Variants in CCNY observed in about 807,000 individuals in gnomAD.
CCNY encodes cyclin-Y.
Under a neutral mutation model 42.8 loss-of-function variants are expected in CCNY, and 19 were observed. That is an observed-to-expected ratio of 0.44 (90% confidence interval 0.31 to 0.65). The LOEUF (loss-of-function observed/expected upper bound fraction) is 0.65. Among genes scored for constraint, CCNY ranks in the 30% least tolerant of loss-of-function variants. The probability of loss-of-function intolerance (pLI) is 0.07; values close to 1 mark genes in which losing one functional copy is unlikely to be tolerated. For synonymous variants in CCNY, 165 were observed against 162.7 expected, an observed-to-expected ratio of 1.01 and a Z score of -0.11; for missense variants, 370 against 437.3, an observed-to-expected ratio of 0.85 and a Z score of 1.37.
At chr10:35,561,841 C>A (rs550384672) in intron 8 of CCNY, among the ~76,000 whole-genome samples, 1 of 152,208 alleles carries the variant, frequency 6.6e-6, no homozygotes, top group Non-Finnish European at 1.5e-5. Context: ...CACTGTACGA[C>A]GAGTGTCACT....
intron 1 of CCNY, among the ~76,000 whole-genome samples, chr10:35,476,891 A>T (rs1457239255): frequency 2.6e-5 from 4 of 152,218 alleles, no homozygotes; most frequent in Non-Finnish European, 5.9e-5. Flanking sequence ...GACCACTAGC[A>T]AGACTAATAA....
chr10:35,411,208 G>A (rs1312111518), intron 1 of CCNY, among the ~76,000 whole-genome samples: 2 of 152,098 alleles, frequency 1.3e-5, no homozygotes, highest in African/African-American at 4.8e-5. Flanking sequence ...AGTGATCTTG[G>A]TATGTTAGAT....
At chr10:35,388,261 G>C (rs969127546) in intron 1 of CCNY, among the ~76,000 whole-genome samples, 9 of 152,184 alleles carry the variant, frequency 5.9e-5, no homozygotes, top group Non-Finnish European at 1.2e-4. Context: ...GTAGAGTGTT[G>C]GCTGACAAAG....
At chr10:35,461,745 A>T (rs933506936) in intron 1 of CCNY, among the ~76,000 whole-genome samples, 2 of 152,140 alleles carry the variant, frequency 1.3e-5, no homozygotes, top group East Asian at 3.8e-4. Context: ...CATGGCTTCT[A>T]TGTGTATTAT....
At chr10:35,474,443 G>C (rs1264252784) in intron 1 of CCNY, among the ~76,000 whole-genome samples, 1 of 152,218 alleles carries the variant, frequency 6.6e-6, no homozygotes, top group African/African-American at 2.4e-5. Flanking sequence ...TACGCAGCTG[G>C]AGATCTGGGA....
intron 3 of CCNY, among the ~76,000 whole-genome samples, chr10:35,319,488 CAAAA>C (rs1835797293): frequency 6.6e-6 from 1 of 151,770 alleles, no homozygotes; most frequent in Non-Finnish European, 1.5e-5. Context: ...GACATTAAAA[CAAAA>C]AAAGATTATA....
intron 3 of CCNY, among the ~76,000 whole-genome samples, chr10:35,280,932 G>A (rs983469797): frequency 6.6e-6 from 1 of 152,102 alleles, no homozygotes; most frequent in Non-Finnish European, 1.5e-5. Context: ...TAAAAAATGG[G>A]CAAAGGATCT....
rs1433754073 is a variant in CCNY at position 35,570,246 on chromosome 10, T to C, written c.*1076T>C. 1 of 152,128 alleles carries C rather than the reference T, an allele frequency of 6.6e-6. No homozygotes were observed. Among genetic ancestry groups the C allele is most frequent in the African/African-American group, 2.4e-5 (1 of 41,298 alleles). 9.4% of individuals were successfully genotyped at this position (152,128 alleles called of 1,614,324 possible). ...AAAAGAAAAAGAAAAAAAACAAGGG[T>C]GGGTTGGGTATTCCAGTGGGAAGAT... On this transcript the variant is annotated 3_prime_UTR_variant, in exon 10 of 10. Coordinates refer to ENST00000374704, the MANE Select transcript of CCNY (RefSeq NM_145012.6).
chr10:35,272,688 G>A, intron 3 of CCNY, among the ~76,000 whole-genome samples: 1 of 152,180 alleles, frequency 6.6e-6, no homozygotes, highest in East Asian at 1.9e-4. Context: ...CATTTAGGCT[G>A]ATTCCATGTC....
intron 1 of CCNY, among the ~76,000 whole-genome samples, chr10:35,409,848 A>G (rs1837865432): frequency 6.6e-6 from 1 of 151,940 alleles, no homozygotes; most frequent in Non-Finnish European, 1.5e-5. Flanking sequence ...ATGAACTCCT[A>G]GGCTCAAGCA....
At chr10:35,555,204 T>G (rs959561740) in intron 8 of CCNY, among the ~76,000 whole-genome samples, 2 of 152,134 alleles carry the variant, frequency 1.3e-5, no homozygotes, top group African/African-American at 4.8e-5. Flanking sequence ...GTGGGGAGGT[T>G]TATCCCCAGC....
chr10:35,382,025 A>G (rs551018719), intron 1 of CCNY, among the ~76,000 whole-genome samples: 1 of 152,348 alleles, frequency 6.6e-6, no homozygotes, highest in South Asian at 2.1e-4. Flanking sequence ...TTACATAACT[A>G]TTACTGAAAA....
intron 1 of CCNY, among the ~76,000 whole-genome samples, chr10:35,375,730 G>C (rs4934544): frequency 0.29 from 43,407 of 152,036 alleles, 6,501 homozygotes; most frequent in East Asian, 0.35. Context: ...TTGGGATTCT[G>C]GAGCAGCACA....
intron 2 of CCNY, among the ~76,000 whole-genome samples, chr10:35,484,060 C>T (rs546553823): frequency 6.6e-6 from 1 of 152,272 alleles, no homozygotes; most frequent in African/African-American, 2.4e-5. Context: ...CTCTTTTCAG[C>T]CCCCTCCCTG....
intron 1 of CCNY, among the ~76,000 whole-genome samples, chr10:35,426,193 A>G (rs955456087): frequency 6.7e-6 from 1 of 150,082 alleles, no homozygotes; most frequent in South Asian, 2.1e-4. Context: ...ACACAGGCAC[A>G]TGACCCATTC....
chr10:35,362,812 C>T (rs1008280546), intron 1 of CCNY, among the ~76,000 whole-genome samples: 1 of 151,752 alleles, frequency 6.6e-6, no homozygotes, highest in African/African-American at 2.4e-5. Flanking sequence ...TCCTCACTCC[C>T]CAGATAGTTG....
chr10:35,360,647 T>C (rs774459437), intron 1 of CCNY, among the ~76,000 whole-genome samples: 3 of 152,066 alleles, frequency 2.0e-5, no homozygotes, highest in Non-Finnish European at 4.4e-5. Context: ...TTTAAAAAAG[T>C]ATATAGAAAA....
In CCNY at chr10:35,388,760, C is replaced by G. The variant is rs564739879; in HGVS notation, c.154+51553C>G. Among the ~76,000 whole-genome samples the G allele has an allele frequency of 1.4e-4, 22 of 152,270 alleles. No homozygotes were observed. The South Asian group carries it at 3.9e-3, about 27-fold the overall frequency. On this transcript the variant is annotated intron_variant, in intron 1 of 9. Transcript: ENST00000374704. ...TACTTCTCTAGTTTAGAAGTCTGAC[C>G]TGGGTATCACTAGGCTAAAATCAAA...
At chr10:35,392,094 A>C (rs1470650067) in intron 1 of CCNY, among the ~76,000 whole-genome samples, 1 of 152,228 alleles carries the variant, frequency 6.6e-6, no homozygotes, top group Non-Finnish European at 1.5e-5. Context: ...TATTGCAGAA[A>C]ATTTAGAAGA....
Sources: allele counts gnomAD v4.1 joint callset (sites outside exome capture counted in the v4.1 genomes callset), GRCh38; gene constraint gnomAD v4.1.1; transcripts MANE v1.5; gene names NCBI Gene and HGNC (gene_info 2026-07-23, HGNC 2026-07-21).